AK5: variants seen among roughly 807,000 people sequenced by gnomAD.
AK5 encodes the protein adenylate kinase isoenzyme 5.
In AK5, 27 loss-of-function variants were observed where a neutral mutation model predicts 69.5. The ratio of observed to expected loss-of-function variants is 0.39; its 90% CI spans 0.29 to 0.54. AK5 has a LOEUF of 0.54. Ranked by LOEUF, AK5 falls within the 20% of genes least tolerant of loss-of-function variation. The pLI, the probability that AK5 is intolerant of heterozygous loss-of-function variation, is 0.71. For missense variants in AK5, 531 were observed against 700.4 expected, an observed-to-expected ratio of 0.76 and a Z score of 2.73; for synonymous variants, 260 against 244.4, an observed-to-expected ratio of 1.06 and a Z score of -0.60.
chr1:77,543,789 A>T (rs1486777599), intron 13 of AK5, among the ~76,000 whole-genome samples: 1 of 152,162 alleles, frequency 6.6e-6, no homozygotes, highest in Non-Finnish European at 1.5e-5. Flanking sequence ...CTGTATTGGG[A>T]TGCTGGCCAG....
chr1:77,420,256 A>T (rs1472271294), intron 8 of AK5: 1 of 152,182 alleles, frequency 6.6e-6, no homozygotes, highest in Non-Finnish European at 1.5e-5. Flanking sequence ...AGATTTGAGC[A>T]GTGACTTAAA....
At chr1:77,538,489 T>TTA (rs1553162151) in intron 13 of AK5, among the ~76,000 whole-genome samples, 3 of 142,252 alleles carry the variant, frequency 2.1e-5, no homozygotes, top group Non-Finnish European at 4.6e-5. Flanking sequence ...CCTGGAACAT[T>TTA]AAAAAAAAAA....
chr1:77,539,084 C>G (rs575404345), intron 13 of AK5, among the ~76,000 whole-genome samples: 1 of 152,390 alleles, frequency 6.6e-6, no homozygotes, highest in African/African-American at 2.4e-5. Flanking sequence ...TGTGAATCAG[C>G]TGGCTACCTA....
intron 6 of AK5, among the ~76,000 whole-genome samples, chr1:77,358,474 T>C (rs963961053): frequency 2.6e-5 from 4 of 152,098 alleles, no homozygotes; most frequent in Admixed American, 6.6e-5. Context: ...AAGGTCCCCA[T>C]TGATTAAGCA....
intron 5 of AK5, among the ~76,000 whole-genome samples, chr1:77,325,557 G>A (rs924469272): frequency 2.0e-5 from 3 of 152,094 alleles, no homozygotes; most frequent in African/African-American, 7.2e-5. Context: ...TGCTGCTCAC[G>A]TCGACCACAA....
chr1:77,543,192 A>C (rs1659369004), intron 13 of AK5, among the ~76,000 whole-genome samples: 1 of 152,210 alleles, frequency 6.6e-6, no homozygotes, highest in Non-Finnish European at 1.5e-5. Flanking sequence ...ATTACTGAGG[A>C]AAGTGGAAGC....
chr1:77,528,194 C>A (rs554998249), intron 12 of AK5, among the ~76,000 whole-genome samples: 110 of 152,338 alleles, frequency 7.2e-4, no homozygotes, highest in African/African-American at 2.4e-3. Context: ...GCAAGAAATT[C>A]ATTTGAAATT....
chr1:77,449,445 G>T (rs1272541530), intron 8 of AK5, among the ~76,000 whole-genome samples: 1 of 152,188 alleles, frequency 6.6e-6, no homozygotes, highest in Non-Finnish European at 1.5e-5. Flanking sequence ...TTCACCTAGT[G>T]CCTATACCTC....
intron 13 of AK5, among the ~76,000 whole-genome samples, chr1:77,537,702 G>C (rs945762345): frequency 6.6e-6 from 1 of 152,190 alleles, no homozygotes. Context: ...TTCCTTGGGG[G>C]AAAACCATTG....
rs557726244 is a variant in AK5 at position 77,343,948 on chromosome 1, A to G, written c.891+3380A>G. On this transcript the variant is annotated intron_variant, in intron 6 of 13. Transcript: ENST00000354567. The stretch of plus-strand genomic sequence containing the variant: ...TGAATAGGTTGTAAAAACTTTAGAC[A>G]TAATTCATCTTTTTCTTTAAAAGTG... Among the ~76,000 whole-genome samples, 4 of 152,346 alleles carry G rather than the reference A, an allele frequency of 2.6e-5. No homozygotes were observed. The East Asian group carries it at 7.7e-4, about 29-fold the overall frequency.
chr1:77,377,172 G>A (rs977282589), intron 6 of AK5, among the ~76,000 whole-genome samples: 2 of 152,128 alleles, frequency 1.3e-5, no homozygotes, highest in African/African-American at 4.8e-5. Context: ...CTTTATGGAA[G>A]CTCAAAACAC....
chr1:77,434,519 C>G (rs1651842780), intron 8 of AK5, among the ~76,000 whole-genome samples: 1 of 152,080 alleles, frequency 6.6e-6, no homozygotes, highest in African/African-American at 2.4e-5. Context: ...TGTCAAGAGG[C>G]TGAAAACACT....
At chr1:77,415,568 C>T (rs1267635041) in intron 7 of AK5, among the ~76,000 whole-genome samples, 1 of 152,152 alleles carries the variant, frequency 6.6e-6, no homozygotes, top group East Asian at 1.9e-4. Context: ...TAGCAGCCAC[C>T]TAGAAGGGAG....
intron 8 of AK5, among the ~76,000 whole-genome samples, chr1:77,475,546 T>A (rs1217454357): frequency 1.3e-5 from 1 of 77,878 alleles, no homozygotes; most frequent in African/African-American, 4.1e-5. Context: ...AAATATATAT[T>A]ATATATATAT....
chr1:77,402,119 T>C (rs1208629726), intron 6 of AK5, among the ~76,000 whole-genome samples: 1 of 152,186 alleles, frequency 6.6e-6, no homozygotes, highest in Admixed American at 6.5e-5. Flanking sequence ...TCTGGTCTAT[T>C]GTCCTGCAAT....
In AK5 at chr1:77,435,632, A is replaced by G. The variant is rs548993232; in HGVS notation, c.1059+17917A>G. Among the ~76,000 whole-genome samples, 528 of 151,246 alleles carry G rather than the reference A, an allele frequency of 3.5e-3. 3 individuals carry two copies. The highest frequency in any genetic ancestry group is 0.012 in the African/African-American group (507 of 41,046). On this transcript the variant is annotated intron_variant, in intron 8 of 13. Coordinates refer to ENST00000354567, the MANE Select transcript of AK5 (RefSeq NM_174858.3). ...CAGCACTCCAGCCTGGTGACAGAGC[A>G]AGACTCTGTCTCAAAAAAAAAAAAA... is the stretch of plus-strand genomic sequence containing the variant.
rs151084034 is a variant in AK5 at position 77,493,689 on chromosome 1, C to G, written c.1147+7337C>G. On this transcript the variant is annotated intron_variant, in intron 10 of 13. Transcript: ENST00000354567. ...TCTTTCTCTCCTGAAGGGATGCAGA[C>G]ACAAGGGCCTCTTTCACACTCTTCC... is the stretch of plus-strand genomic sequence containing the variant. Among the ~76,000 whole-genome samples the G allele has an allele frequency of 4.6e-3, 705 of 152,276 alleles. 3 individuals carry two copies. Among genetic ancestry groups the G allele is most frequent in the African/African-American group, 0.016 (673 of 41,540 alleles).
intron 5 of AK5, among the ~76,000 whole-genome samples, chr1:77,312,650 C>T (rs368444234): frequency 1.3e-5 from 2 of 151,098 alleles, no homozygotes; most frequent in African/African-American, 4.9e-5. Context: ...CTTAAGCAAT[C>T]TGGTTCATTC....
intron 5 of AK5, among the ~76,000 whole-genome samples, chr1:77,321,905 G>A (rs974715871): frequency 1.3e-5 from 2 of 152,058 alleles, no homozygotes; most frequent in South Asian, 4.1e-4. Flanking sequence ...TACAAAATGT[G>A]TACCAAAACT....
Sources: gnomAD v4.1 joint callset for allele counts (sites outside exome capture counted in the v4.1 genomes callset) on GRCh38, gnomAD v4.1.1 for gene constraint, MANE v1.5 for transcripts, NCBI Gene and HGNC (gene_info 2026-07-23, HGNC 2026-07-21) for gene names.